The following LRP6 variants were observed in gnomAD, a reference collection of about 807,000 sequenced individuals.
LRP6 encodes LDL receptor related protein 6.
LRP6 carries 43 observed loss-of-function variants against 184.1 expected under a neutral mutation model. The observed-to-expected ratio is 0.23, with a 90% CI of 0.18 to 0.30. The LOEUF (loss-of-function observed/expected upper bound fraction) is 0.30, where lower values mean the gene tolerates loss of function less well. LRP6 is among the 10% of genes least tolerant of loss of function. LRP6 has a pLI of 1.00. For missense variants in LRP6, 1,571 were observed against 2,005.3 expected (o/e 0.78, Z 4.14); for synonymous variants, 719 against 684.9 (o/e 1.05, Z -0.78).
chr12:12,170,841 T>G (rs539157761), intron 7 of LRP6, among the ~76,000 whole-genome samples: 1 of 149,624 alleles, frequency 6.7e-6, no homozygotes. Flanking sequence ...ACGTCTTAGA[T>G]GAAAAAAACT....
intron 17 of LRP6, among the ~76,000 whole-genome samples, chr12:12,134,319 C>T (rs551509837): frequency 1.3e-5 from 2 of 152,166 alleles, no homozygotes; most frequent in South Asian, 2.1e-4. Context: ...ATAATTTTCA[C>T]ACCATTAGAA....
intron 1 of LRP6, among the ~76,000 whole-genome samples, chr12:12,257,689 C>T (rs1325482835): frequency 7.4e-6 from 1 of 135,852 alleles, no homozygotes; most frequent in Non-Finnish European, 1.5e-5. Flanking sequence ...TGCCTGTAAT[C>T]GCAAGCACTT....
chr12:12,242,397 A>AC (rs1016484206), intron 2 of LRP6, among the ~76,000 whole-genome samples: 5 of 152,146 alleles, frequency 3.3e-5, no homozygotes, highest in Non-Finnish European at 5.9e-5. Context: ...TTCAATCATC[A>AC]CCCTTACAGT....
chr12:12,156,287 A>G (rs1024794967), intron 12 of LRP6, among the ~76,000 whole-genome samples: 3 of 152,220 alleles, frequency 2.0e-5, no homozygotes, highest in Non-Finnish European at 2.9e-5. Flanking sequence ...TAACACTCCA[A>G]GCAGAGTAAA....
chr12:12,227,872 G>T (rs574252907), intron 2 of LRP6, among the ~76,000 whole-genome samples: 3 of 152,288 alleles, frequency 2.0e-5, no homozygotes, highest in South Asian at 2.1e-4. Context: ...CAATTCTGTT[G>T]TAAGTCCAAA....
chr12:12,205,039 T>C (rs946952604), intron 2 of LRP6, among the ~76,000 whole-genome samples: 1 of 151,440 alleles, frequency 6.6e-6, no homozygotes, highest in African/African-American at 2.4e-5. Context: ...TTTCAAAAGT[T>C]AATGAGGAGC....
At chr12:12,243,620 G>A (rs1236898367) in intron 2 of LRP6, among the ~76,000 whole-genome samples, 1 of 152,016 alleles carries the variant, frequency 6.6e-6, no homozygotes, top group Non-Finnish European at 1.5e-5. Context: ...GAAACACTAA[G>A]AACACAACAC....
chr12:12,183,854 A>C, intron 5 of LRP6, 126 bp downstream of exon 5: 1 of 792,586 alleles, frequency 1.3e-6, no homozygotes. Context: ...ACCATGTGTG[A>C]AGACTGTGAA....
intron 3 of LRP6, among the ~76,000 whole-genome samples, chr12:12,194,222 C>T (rs941729966): frequency 6.6e-6 from 1 of 151,880 alleles, no homozygotes; most frequent in Admixed American, 6.6e-5. Context: ...ATTAAAAAAA[C>T]CTACAGGTAA....
Position 12,124,550 on chromosome 12 carries a change from A to T in LRP6, c.4547+15T>A. ...ATAAATACTGCACCTTATTTTAGAGAAGGATGTGTATTACCTGTATGACCT... is the reference window on the plus strand; with the variant it reads ...ATAAATACTGCACCTTATTTTAGAGTAGGATGTGTATTACCTGTATGACCT... On this transcript the variant is annotated intron_variant, in intron 22 of 22. Transcript: ENST00000261349. 6.5e-7 allele frequency: 1 copy of T among 1,547,104 alleles called. No individual in the cohort carries two copies. Among genetic ancestry groups the T allele is most frequent in the Non-Finnish European group, 8.9e-7 (1 of 1,118,962 alleles).
chr12:12,191,402 T>C (rs1156325031), intron 3 of LRP6, among the ~76,000 whole-genome samples: 1 of 152,228 alleles, frequency 6.6e-6, no homozygotes, highest in Non-Finnish European at 1.5e-5. Context: ...CTAGCTGCCA[T>C]TATTTTTTAA....
At chr12:12,139,820 T>C (rs754375132) in intron 15 of LRP6, among the ~76,000 whole-genome samples, 2 of 151,918 alleles carry the variant, frequency 1.3e-5, no homozygotes, top group Middle Eastern at 3.4e-3. Context: ...GAAAGTGATA[T>C]AAATTTTGGA....
intron 13 of LRP6, 27 bp downstream of exon 13, chr12:12,150,809 T>G: frequency 1.2e-6 from 2 of 1,611,508 alleles, no homozygotes; most frequent in Non-Finnish European, 1.7e-6. Flanking sequence ...TCAGGAGAAA[T>G]GAATTTTGAA....
rs1865259339 is a variant in LRP6, at chr12:12,249,027, G to A, written c.56-4372C>T. 1.4e-5 allele frequency: 9 copies of A among 647,674 alleles called. No homozygotes were observed. The Admixed American group carries it at 2.0e-4, about 14-fold the overall frequency. The allele number at this position is 647,674 out of a possible 1,614,324, so 40.1% of individuals were successfully genotyped here. On this transcript the variant is annotated intron_variant, in intron 1 of 22. Coordinates refer to ENST00000261349, the MANE Select transcript of LRP6 (RefSeq NM_002336.3). Reference sequence around the variant, plus strand: ...ACAGGCTCGGGGGTAAAAGTCCCTTGCAATTTCCCACTTTTGGAAGAACTC... The same window carrying A: ...ACAGGCTCGGGGGTAAAAGTCCCTTACAATTTCCCACTTTTGGAAGAACTC...
chr12:12,173,445 T>C (rs10772536), intron 7 of LRP6, among the ~76,000 whole-genome samples: 67,105 of 151,982 alleles, frequency 0.44, 15,874 homozygotes, highest in East Asian at 0.74. Flanking sequence ...CAGACTCAGG[T>C]GATCCTCCCA....
At chr12:12,191,357 A>G (rs983972271) in intron 3 of LRP6, among the ~76,000 whole-genome samples, 14 of 152,184 alleles carry the variant, frequency 9.2e-5, no homozygotes, top group Non-Finnish European at 1.3e-4. Context: ...AAAAAGCAGA[A>G]AAAGTAAAGT....
rs549101039 is a variant in LRP6 at position 12,243,952 on chromosome 12, C to T, written c.449+310G>A. On this transcript the variant is annotated intron_variant, in intron 2 of 22. Coordinates refer to ENST00000261349, the MANE Select transcript of LRP6 (RefSeq NM_002336.3). ...TTTTTTAGCTAGCCAGGTGTGGTAG[C>T]GCACACCTAAAGTCCCAGCTACTTG... Among the ~76,000 whole-genome samples, 95 of 152,172 alleles carry T rather than the reference C, an allele frequency of 6.2e-4. 1 individual carries two copies. Among genetic ancestry groups the T allele is most frequent in the African/African-American group, 2.0e-3 (83 of 41,514 alleles).
chr12:12,227,538 G>A (rs1864661577), intron 2 of LRP6, among the ~76,000 whole-genome samples: 1 of 151,818 alleles, frequency 6.6e-6, no homozygotes, highest in Non-Finnish European at 1.5e-5. Flanking sequence ...CTCCCGAGTA[G>A]CTGGGATTAC....
intron 17 of LRP6, 127 bp downstream of exon 17, chr12:12,135,048 A>G: frequency 7.5e-7 from 1 of 1,328,836 alleles, no homozygotes; most frequent in African/African-American, 1.4e-5. Flanking sequence ...ATACAAATGA[A>G]TGGAACACAC....
Sources: allele counts gnomAD v4.1 joint callset (sites outside exome capture counted in the v4.1 genomes callset), GRCh38; gene constraint gnomAD v4.1.1; transcripts MANE v1.5; gene names NCBI Gene and HGNC (gene_info 2026-07-23, HGNC 2026-07-21).